The following PDZRN3 variants were observed in gnomAD, a reference collection of about 807,000 sequenced individuals.
The protein encoded by PDZRN3 is E3 ubiquitin-protein ligase PDZRN3.
Under a neutral mutation model 85.7 loss-of-function variants are expected in PDZRN3, and 38 were observed. The observed-to-expected ratio is 0.44, with a 90% CI of 0.34 to 0.58. The LOEUF (loss-of-function observed/expected upper bound fraction) is 0.58, where lower values mean the gene tolerates loss of function less well. Among genes scored for constraint, PDZRN3 ranks in the 20% least tolerant of loss-of-function variants. The pLI is 0.01. For missense variants in PDZRN3, 1,629 were observed against 1,506.4 expected, an observed-to-expected ratio of 1.08 and a Z score of -1.35; for synonymous variants, 759 against 638.0, an observed-to-expected ratio of 1.19 and a Z score of -2.86.
chr3:73,446,692 G>A (rs1038399780), intron 3 of PDZRN3, among the ~76,000 whole-genome samples: 4 of 152,144 alleles, frequency 2.6e-5, no homozygotes, highest in Non-Finnish European at 5.9e-5. Context: ...GAGGAAGAAC[G>A]TGGATGGAAA....
intron 3 of PDZRN3, among the ~76,000 whole-genome samples, chr3:73,563,569 A>G (rs2106835475): frequency 6.6e-6 from 1 of 152,312 alleles, no homozygotes; most frequent in East Asian, 1.9e-4. Flanking sequence ...TCATTTATAA[A>G]TCAAGAGACA....
At chr3:73,427,259 G>A (rs972904993) in intron 3 of PDZRN3, among the ~76,000 whole-genome samples, 2 of 152,154 alleles carry the variant, frequency 1.3e-5, no homozygotes, top group Non-Finnish European at 2.9e-5. Flanking sequence ...TTTTACCAAC[G>A]TTATGACGCC....
intron 3 of PDZRN3, among the ~76,000 whole-genome samples, chr3:73,435,894 C>T (rs541121938): frequency 1.3e-4 from 20 of 152,296 alleles, no homozygotes; most frequent in South Asian, 8.3e-4. Context: ...TCTTCACCAG[C>T]GCCTATAGTG....
At chr3:73,433,159 A>G (rs376888838) in intron 3 of PDZRN3, among the ~76,000 whole-genome samples, 1 of 152,348 alleles carries the variant, frequency 6.6e-6, no homozygotes. Context: ...TACCAATTTG[A>G]ACCATATGTC....
At chr3:73,571,787 C>T (rs988070200) in intron 3 of PDZRN3, among the ~76,000 whole-genome samples, 1 of 152,096 alleles carries the variant, frequency 6.6e-6, no homozygotes, top group Non-Finnish European at 1.5e-5. Context: ...CTGCTCAGAA[C>T]CGGAAGAGCA....
At chr3:73,437,029 G>C (rs796753666) in intron 3 of PDZRN3, among the ~76,000 whole-genome samples, 1 of 138,302 alleles carries the variant, frequency 7.2e-6, no homozygotes, top group Admixed American at 7.6e-5. Flanking sequence ...CCTGGCGACA[G>C]AGAAAGACTC....
intron 3 of PDZRN3, among the ~76,000 whole-genome samples, chr3:73,421,389 G>A (rs186329802): frequency 1.3e-5 from 2 of 152,308 alleles, no homozygotes; most frequent in Non-Finnish European, 2.9e-5. Context: ...GAGGCTCTGA[G>A]GGAGAGGGAG....
At chr3:73,460,311 C>G (rs1317508935) in intron 3 of PDZRN3, among the ~76,000 whole-genome samples, 5 of 152,198 alleles carry the variant, frequency 3.3e-5, no homozygotes, top group African/African-American at 7.2e-5. Flanking sequence ...CTAACATTCT[C>G]TCCATTGATC....
At chr3:73,510,193 G>A (rs563421922) in intron 3 of PDZRN3, among the ~76,000 whole-genome samples, 53 of 152,308 alleles carry the variant, frequency 3.5e-4, no homozygotes, top group African/African-American at 1.2e-3. Context: ...TCTGCCTCCT[G>A]TAGCTAACTC....
intron 5 of PDZRN3, among the ~76,000 whole-genome samples, chr3:73,394,449 A>C (rs1156506208): frequency 6.6e-6 from 1 of 152,216 alleles, no homozygotes; most frequent in African/African-American, 2.4e-5. Flanking sequence ...GGATCTTTAA[A>C]ACAGACATAA....
intron 3 of PDZRN3, among the ~76,000 whole-genome samples, chr3:73,595,183 A>G (rs542579876): frequency 2.2e-4 from 33 of 152,364 alleles, no homozygotes; most frequent in African/African-American, 7.7e-4. Flanking sequence ...CATTACTAAT[A>G]ACTGATCTCT....
At chr3:73,605,419 A>C (rs539337667) in intron 2 of PDZRN3, among the ~76,000 whole-genome samples, 5 of 152,320 alleles carry the variant, frequency 3.3e-5, no homozygotes, top group Admixed American at 6.5e-5. Context: ...TACACTTCCC[A>C]AAGGCTTAAG....
chr3:73,620,292 C>T (rs755951909), intron 1 of PDZRN3, among the ~76,000 whole-genome samples: 3 of 152,188 alleles, frequency 2.0e-5, no homozygotes, highest in East Asian at 1.9e-4. Context: ...CAAAAGGTAT[C>T]GAGGATGTAT....
chr3:73,418,976 T>C (rs1702145730), intron 3 of PDZRN3, among the ~76,000 whole-genome samples: 1 of 152,150 alleles, frequency 6.6e-6, no homozygotes, highest in Non-Finnish European at 1.5e-5. Context: ...GTTTTAACAA[T>C]GAAGCTAAAG....
At chr3:73,501,499 G>A (rs1387138641) in intron 3 of PDZRN3, among the ~76,000 whole-genome samples, 2 of 152,146 alleles carry the variant, frequency 1.3e-5, no homozygotes, top group African/African-American at 2.4e-5. Flanking sequence ...GACTCCTAAC[G>A]ATTCGACTGT....
intron 3 of PDZRN3, among the ~76,000 whole-genome samples, chr3:73,581,804 T>C (rs1278697029): frequency 6.9e-6 from 1 of 145,436 alleles, no homozygotes; most frequent in African/African-American, 2.5e-5. Flanking sequence ...AGACAATGAT[T>C]AAAAAAAAAA....
Position 73,383,253 on chromosome 3 carries a change from A to AGT in PDZRN3, c.*111_*112insAC, listed in dbSNP as rs1168742139. 1.5e-5 allele frequency: 15 copies of AGT among 1,033,634 alleles called. No individual in the cohort carries two copies. The highest frequency in any genetic ancestry group is 2.1e-5 in the Non-Finnish European group (15 of 701,522). The allele number at this position is 1,033,634 out of a possible 1,614,324, so 64.0% of individuals were successfully genotyped here. On this transcript the variant is annotated 3_prime_UTR_variant, in exon 10 of 10. Transcript: ENST00000263666. ...GTAGGGTTTGCAAATTTGGACTATA[A>AGT]ACATGAAGACCGTACTTATCTTATA... is the stretch of plus-strand genomic sequence containing the variant.
rs1559748427 is a variant in PDZRN3, at chr3:73,584,457, GTGTGTGTGT to G, written c.918+17888_918+17896del. ...TAAGTGGTGCTTCATTTAATGGTGT[GTGTGTGTGT>G]GTGTGTGTGTGTGTGTGTGTGTGTG... is the stretch of plus-strand genomic sequence containing the variant. On this transcript the variant is annotated intron_variant, in intron 3 of 9. Coordinates refer to ENST00000263666, the MANE Select transcript of PDZRN3 (RefSeq NM_015009.3). 2.5e-3 allele frequency among the ~76,000 whole-genome samples: 132 copies of G among 52,804 alleles called. 1 individual carries two copies. The highest frequency in any genetic ancestry group is 9.8e-3 in the Middle Eastern group (1 of 102). 34.6% of individuals were successfully genotyped at this position (52,804 alleles called of 152,430 possible). A position where few individuals can be genotyped will look rare whatever the true frequency, so the allele number is the denominator to read the frequency against.
chr3:73,413,512 T>C (rs907023500), intron 3 of PDZRN3, among the ~76,000 whole-genome samples: 1 of 152,178 alleles, frequency 6.6e-6, no homozygotes, highest in Non-Finnish European at 1.5e-5. Flanking sequence ...TAGGTGGTGT[T>C]ATCTCTACCA....
Sources: gnomAD v4.1 joint callset for allele counts (sites outside exome capture counted in the v4.1 genomes callset) on GRCh38, gnomAD v4.1.1 for gene constraint, MANE v1.5 for transcripts, NCBI Gene and HGNC (gene_info 2026-07-23, HGNC 2026-07-21) for gene names.